Variants in PEX1 observed in about 807,000 individuals in gnomAD.
The protein encoded by PEX1 is peroxisomal ATPase PEX1.
PEX1 carries 97 observed loss-of-function variants against 152.5 expected under a neutral mutation model. The observed-to-expected ratio is 0.64, with a 90% CI of 0.54 to 0.75. The LOEUF is 0.75. PEX1 is among the 30% of genes least tolerant of loss of function. The pLI is 0.00. For synonymous variants in PEX1, 485 were observed against 531.6 expected (o/e 0.91, Z 1.21); for missense variants, 1,357 against 1,516.3 (o/e 0.89, Z 1.74).
At chr7:92,525,703 G>A (rs950638300) in intron 1 of PEX1, among the ~76,000 whole-genome samples, 1 of 152,194 alleles carries the variant, frequency 6.6e-6, no homozygotes, top group African/African-American at 2.4e-5. Context: ...TGTCAACAGT[G>A]CCAAGGTTGA....
rs1356854268 is a variant in PEX1, at chr7:92,517,932, C to A, written c.583G>T (p.Glu195Ter). 1 of 1,587,536 alleles carries A rather than the reference C, an allele frequency of 6.3e-7. No individual in the cohort carries two copies. Among genetic ancestry groups the A allele is most frequent in the Non-Finnish European group, 8.5e-7 (1 of 1,170,216 alleles). ...KENTFSKADAEYKKLHSYGRD... is the reference protein window; with the variant it reads ...KENTFSKADA ...CCATAACTATGAAGTTTTTTATATT[C>A]AGCATCAGCTTTTGAAAATGTATTC... is the stretch of plus-strand genomic sequence containing the variant. The change falls in exon 5 of 24, where the codon GAA becomes TAA. Residue 195 changes from glutamate to a stop codon, truncating the protein, a stop_gained. Transcript: ENST00000248633. LOFTEE classifies it high-confidence loss of function.
In PEX1 at chr7:92,494,416, T is replaced by G. The variant is rs1791537998; in HGVS notation, c.2927-20A>C. On this transcript the variant is annotated intron_variant, in intron 18 of 23. Transcript: ENST00000248633. Reference sequence around the variant, plus strand: ...AAACACCTAGAGGAAAAAAGAACATTTTTTTACCAAAATCTGATGACATGA... The same window carrying G: ...AAACACCTAGAGGAAAAAAGAACATGTTTTTACCAAAATCTGATGACATGA... 1 of 1,612,804 alleles carries G rather than the reference T, an allele frequency of 6.2e-7. No individual in the cohort carries two copies. Among genetic ancestry groups the G allele is most frequent in the African/African-American group, 1.3e-5 (1 of 74,878 alleles).
At position 92,513,834 on chromosome 7, in the gene PEX1, A is replaced by G; in HGVS notation, c.1359+14T>C. On this transcript the variant is annotated intron_variant, in intron 6 of 23. Transcript: ENST00000248633. The stretch of plus-strand genomic sequence containing the variant: ...GTAAAAGAATTTTGATGTAACATAT[A>G]TATTTGAACTCACTAAATTCTCTCT... 1 of 1,584,108 alleles carries G rather than the reference A, an allele frequency of 6.3e-7. No homozygotes were observed. Among genetic ancestry groups the G allele is most frequent in the South Asian group, 1.1e-5 (1 of 89,380 alleles).
chr7:92,515,229 A>G (rs1490579451), intron 5 of PEX1, among the ~76,000 whole-genome samples: 1 of 151,882 alleles, frequency 6.6e-6, no homozygotes, highest in Non-Finnish European at 1.5e-5. Context: ...AGGTGCAGAC[A>G]TATTAATGGT....
intron 11 of PEX1, among the ~76,000 whole-genome samples, chr7:92,505,219 C>T (rs1019601923): frequency 1.3e-5 from 2 of 151,960 alleles, no homozygotes; most frequent in African/African-American, 4.8e-5. Flanking sequence ...TGAGATCAGC[C>T]TGGCCAACAT....
chr7:92,501,988 G>A lies in PEX1; in HGVS notation c.2318C>T (p.Ala773Val). Residue 773 changes from alanine (A) to valine (V), a missense_variant, in exon 14 of 24, where the codon GCT becomes GTT. Physicochemically the swap from Ala to Val is moderately conservative, Grantham distance 64. Coordinates refer to ENST00000248633, the MANE Select transcript of PEX1 (RefSeq NM_000466.3). Reference protein sequence around the residue: ...KFTDLDLQHVAKETGGFVARD... With the variant: ...KFTDLDLQHVVKETGGFVARD... The stretch of plus-strand genomic sequence containing the variant: ...AGCCACAAACCCGCCAGTTTCTTTA[G>A]CTACATGCTGCAGGTCAAGATCGGT... The A allele has an allele frequency of 6.2e-7, 1 of 1,613,222 alleles. No homozygotes were observed. Among genetic ancestry groups the A allele is most frequent in the East Asian group, 2.2e-5 (1 of 44,868 alleles).
chr7:92,491,606 T>G, intron 20 of PEX1, 104 bp from the exon 21 acceptor site: 2 of 722,748 alleles, frequency 2.8e-6, no homozygotes, highest in Non-Finnish European at 4.8e-6. Context: ...ACAAGAAACT[T>G]AGAAGCATTT....
Position 92,489,279 on chromosome 7 carries a change from A to C in PEX1, c.3767+14T>G. 2 of 1,610,860 alleles carry C rather than the reference A, an allele frequency of 1.2e-6. No homozygotes were observed. Among genetic ancestry groups the C allele is most frequent in the Non-Finnish European group, 8.5e-7 (1 of 1,177,282 alleles). ...AATAGTAGCTGTACTTCCAAAACAG[A>C]ATCTGTTACTTACAGCTCAGCAAAA... On this transcript the variant is annotated intron_variant, in intron 23 of 23. Transcript: ENST00000248633.
chr7:92,501,850 A>G (rs1791943018), intron 14 of PEX1, 40 bp downstream of exon 14: 1 of 1,541,794 alleles, frequency 6.5e-7, no homozygotes, highest in African/African-American at 1.4e-5. Context: ...TCCACAATAG[A>G]AAGAAGATTC....
chr7:92,499,628 T>C, intron 16 of PEX1, 76 bp downstream of exon 16: 1 of 1,284,296 alleles, frequency 7.8e-7, no homozygotes, highest in Non-Finnish European at 1.1e-6. Context: ...TGCCAGTGAA[T>C]TTACACTTTG....
At position 92,489,728 on chromosome 7, in the gene PEX1, G is replaced by T; in HGVS notation, c.3622C>A (p.Arg1208=). The change falls in exon 22 of 24, where the codon CGG becomes AGG. Residue 1208 remains arginine (R), a synonymous_variant. Coordinates refer to ENST00000248633, the MANE Select transcript of PEX1 (RefSeq NM_000466.3). Reference sequence around the variant, plus strand: ...AAAAGCCATACTCCACTTTGGCTCCGGTATCTGCCTTTGATAATACTGATA... The same window carrying T: ...AAAAGCCATACTCCACTTTGGCTCCTGTATCTGCCTTTGATAATACTGATA... ...ADISIIKGRY[R]SQSGEDESMN... The T allele has an allele frequency of 1.2e-6, 2 of 1,613,868 alleles. No individual in the cohort carries two copies. The highest frequency in any genetic ancestry group is 2.2e-5 in the South Asian group (2 of 91,068).
Position 92,487,351 on chromosome 7 carries a change from A to T in PEX1, c.*106T>A, listed in dbSNP as rs1429829068. The T allele has an allele frequency of 7.6e-6, 5 of 661,470 alleles. No individual in the cohort carries two copies. The highest frequency in any genetic ancestry group is 1.4e-5 in the Non-Finnish European group (5 of 370,268). The allele number at this position is 661,470 out of a possible 1,614,324, so 41.0% of individuals were successfully genotyped here. On this transcript the variant is annotated 3_prime_UTR_variant, in exon 24 of 24. Coordinates refer to ENST00000248633, the MANE Select transcript of PEX1 (RefSeq NM_000466.3). ...ATCTGTGATTTTATAAATTAACCAA[A>T]TTTGTTAAATTAAGAAGAAATTCAT...
intron 2 of PEX1, 101 bp from the exon 3 acceptor site, chr7:92,519,179 T>C: frequency 1.4e-6 from 1 of 706,302 alleles, no homozygotes; most frequent in South Asian, 1.5e-5. Flanking sequence ...GTTAAGTAGA[T>C]GTGTGTGTAT....
At chr7:92,509,308 A>C in intron 9 of PEX1, 21 bp downstream of exon 9, 1 of 1,505,742 alleles carries the variant, frequency 6.6e-7, no homozygotes, top group Non-Finnish European at 9.2e-7. Context: ...CTAACATGCT[A>C]GTTTGGCCAT....
Position 92,493,014 on chromosome 7 carries a change from G to A in PEX1, c.3146C>T (p.Ala1049Val). Residue 1049 changes from alanine to valine, a missense_variant, in exon 20 of 24, where the codon GCT becomes GTT. Transcript: ENST00000248633. ...CTCCAATTGGGCATTGTAAAGTAAA[G>A]CTTTCAGATCAGCTCCAGTAAAGGA... The part of the protein sequence containing the change: ...TDSFTGADLK[A>V]LLYNAQLEAL... 1.9e-6 allele frequency: 3 copies of A among 1,613,698 alleles called. No homozygotes were observed. The highest frequency in any genetic ancestry group is 2.5e-6 in the Non-Finnish European group (3 of 1,179,690).
intron 16 of PEX1, among the ~76,000 whole-genome samples, chr7:92,497,189 C>T (rs1791695553): frequency 6.6e-6 from 1 of 152,092 alleles, no homozygotes; most frequent in South Asian, 2.1e-4. Context: ...TGTCGCTTTC[C>T]ACTAGTAGAA....
At chr7:92,489,272 A>C in intron 23 of PEX1, 21 bp downstream of exon 23, 1 of 1,608,460 alleles carries the variant, frequency 6.2e-7, no homozygotes, top group Non-Finnish European at 8.5e-7. Flanking sequence ...CTGTACTTCC[A>C]AAACAGAATC....
chr7:92,501,909 C>CT lies in PEX1; in HGVS notation c.2396dup (p.Ser800GlufsTer34), dbSNP rs778871894. ...ACATACTTTCTCTGGTGGATATACTCTGACGAGAGAGTCGAGAATGTATGG... is the reference window on the plus strand; with the variant it reads ...ACATACTTTCTCTGGTGGATATACTCTTGACGAGAGAGTCGAGAATGTATGG... On this transcript the variant is annotated frameshift_variant, in exon 14 of 24. Transcript: ENST00000248633. LOFTEE classifies it high-confidence loss of function. The CT allele has an allele frequency of 4.3e-6, 7 of 1,613,856 alleles. No homozygotes were observed. The highest frequency in any genetic ancestry group is 2.2e-5 in the South Asian group (2 of 91,054).
intron 1 of PEX1, among the ~76,000 whole-genome samples, chr7:92,526,159 T>C (rs1793259364): frequency 6.6e-6 from 1 of 152,224 alleles, no homozygotes; most frequent in Non-Finnish European, 1.5e-5. Context: ...AAGGTCTCTA[T>C]CGTCATTAAA....
Sources: allele counts gnomAD v4.1 joint callset (sites outside exome capture counted in the v4.1 genomes callset), GRCh38; gene constraint gnomAD v4.1.1; transcripts MANE v1.5; gene names NCBI Gene and HGNC (gene_info 2026-07-23, HGNC 2026-07-21).